Variants in GLIS3 observed in about 807,000 individuals in gnomAD.
GLIS3 encodes zinc finger protein GLIS3.
GLIS3 carries 53 observed loss-of-function variants against 78.6 expected under a neutral mutation model. The observed-to-expected ratio is 0.67, with a 90% confidence interval of 0.54 to 0.85. The LOEUF is 0.85. Ranked by LOEUF, GLIS3 falls within the 40% of genes least tolerant of loss-of-function variation. The probability of loss-of-function intolerance (pLI) is 0.00; values close to 1 mark genes in which losing one functional copy is unlikely to be tolerated. For synonymous variants in GLIS3, 684 were observed against 509.9 expected, an observed-to-expected ratio of 1.34 and a Z score of -4.60; for missense variants, 1,703 against 1,231.1, an observed-to-expected ratio of 1.38 and a Z score of -5.74.
At chr9:4,351,737 A>C (rs1817974329), upstream of GLIS3, among the ~76,000 whole-genome samples, 1 of 152,184 alleles carries the variant, frequency 6.6e-6, no homozygotes. Context: ...ACTCTCTGTC[A>C]CTTACTGATG....
intron 9 of GLIS3, among the ~76,000 whole-genome samples, chr9:3,850,595 C>A (rs757653024): frequency 1.2e-4 from 19 of 152,108 alleles, no homozygotes; most frequent in Non-Finnish European, 2.1e-4. Context: ...CTTAATGTTC[C>A]TACCTCTCCC....
the GLIS3 span, among the ~76,000 whole-genome samples, chr9:4,408,142 G>A: frequency 6.6e-6 from 1 of 152,120 alleles, no homozygotes; most frequent in South Asian, 2.1e-4. Flanking sequence ...GTGGAGAAAA[G>A]GGAACCCTCG....
intron 2 of GLIS3, among the ~76,000 whole-genome samples, chr9:4,191,321 T>C (rs1214284370): frequency 1.3e-5 from 2 of 152,222 alleles, no homozygotes; most frequent in African/African-American, 4.8e-5. Flanking sequence ...AATAACGGTG[T>C]ATTTTCAACT....
chr9:4,078,137 T>C (rs1267908536), intron 4 of GLIS3, among the ~76,000 whole-genome samples: 2 of 152,186 alleles, frequency 1.3e-5, no homozygotes, highest in Non-Finnish European at 2.9e-5. Flanking sequence ...GCCTAAGAAT[T>C]TGTAAAAGAA....
chr9:4,456,027 G>A, the GLIS3 span, among the ~76,000 whole-genome samples: 2 of 152,168 alleles, frequency 1.3e-5, no homozygotes, highest in East Asian at 1.9e-4. Flanking sequence ...AGAATGGCTC[G>A]AACCTGGGAG....
intron 4 of GLIS3, among the ~76,000 whole-genome samples, chr9:4,112,250 A>C (rs148049735): frequency 6.6e-6 from 1 of 152,188 alleles, no homozygotes; most frequent in Admixed American, 6.5e-5. Context: ...TGCCACTACC[A>C]ATCATTCTAA....
At chr9:4,364,710 TTATA>T in the GLIS3 span, among the ~76,000 whole-genome samples, 1 of 134,354 alleles carries the variant, frequency 7.4e-6, no homozygotes, top group East Asian at 2.2e-4. Flanking sequence ...TTATTACACT[TTATA>T]TATATATATA....
intron 4 of GLIS3, among the ~76,000 whole-genome samples, chr9:3,991,110 C>G (rs1037444016): frequency 3.9e-5 from 6 of 152,294 alleles, no homozygotes; most frequent in Non-Finnish European, 4.4e-5. Context: ...ACACCCAGCT[C>G]CTGCAACCAC....
the GLIS3 span, among the ~76,000 whole-genome samples, chr9:4,449,307 A>G: frequency 6.6e-6 from 1 of 152,180 alleles, no homozygotes; most frequent in Non-Finnish European, 1.5e-5. Flanking sequence ...AGGTAAAGAA[A>G]GTGGCCAGGG....
At chr9:4,257,904 T>G (rs1825134208) in intron 2 of GLIS3, among the ~76,000 whole-genome samples, 1 of 152,184 alleles carries the variant, frequency 6.6e-6, no homozygotes, top group East Asian at 1.9e-4. Context: ...TATATTAAAA[T>G]ATCGTGTTTT....
chr9:3,965,590 G>C (rs1198463294), intron 4 of GLIS3, among the ~76,000 whole-genome samples: 1 of 152,182 alleles, frequency 6.6e-6, no homozygotes, highest in Non-Finnish European at 1.5e-5. Flanking sequence ...AGTTGTAAAA[G>C]ATTTGTAGGA....
At chr9:4,484,512 G>C in the GLIS3 span, among the ~76,000 whole-genome samples, 4 of 138,660 alleles carry the variant, frequency 2.9e-5, no homozygotes, top group Middle Eastern at 8.1e-3. Context: ...TCTGCCTCTC[G>C]AGTTCAAGCA....
chr9:4,251,324 C>G (rs1247547145), intron 2 of GLIS3, among the ~76,000 whole-genome samples: 1 of 152,042 alleles, frequency 6.6e-6, no homozygotes, highest in Non-Finnish European at 1.5e-5. Flanking sequence ...GGATAGTTTA[C>G]TCTACTTGTT....
At chr9:3,849,575 C>T (rs1217408441) in intron 9 of GLIS3, among the ~76,000 whole-genome samples, 1 of 152,126 alleles carries the variant, frequency 6.6e-6, no homozygotes, top group Non-Finnish European at 1.5e-5. Context: ...CTCTGTGAGG[C>T]TCCTTCTCCA....
At chr9:4,004,895 T>C (rs1005173694) in intron 4 of GLIS3, among the ~76,000 whole-genome samples, 4 of 152,222 alleles carry the variant, frequency 2.6e-5, no homozygotes, top group African/African-American at 7.2e-5. Context: ...TTATATATTG[T>C]TTCAACAATG....
intron 4 of GLIS3, among the ~76,000 whole-genome samples, chr9:4,029,771 G>A (rs780430585): frequency 8.5e-5 from 13 of 152,110 alleles, no homozygotes; most frequent in Non-Finnish European, 1.9e-4. Context: ...CTATGTTGAT[G>A]CAAATGACTG....
the GLIS3 span, among the ~76,000 whole-genome samples, chr9:4,369,850 A>G: frequency 6.6e-6 from 1 of 152,198 alleles, no homozygotes; most frequent in Non-Finnish European, 1.5e-5. Context: ...GTTAAAAAGG[A>G]AGCATGCAAT....
At chr9:4,264,222 T>C (rs1160411226) in intron 2 of GLIS3, among the ~76,000 whole-genome samples, 1 of 152,190 alleles carries the variant, frequency 6.6e-6, no homozygotes, top group Non-Finnish European at 1.5e-5. Flanking sequence ...TCACTGATTC[T>C]TCTGTTTCTT....
chr9:4,387,883 G>A, the GLIS3 span, among the ~76,000 whole-genome samples: 1 of 152,170 alleles, frequency 6.6e-6, no homozygotes, highest in African/African-American at 2.4e-5. Context: ...ATTTGTTATA[G>A]AACCTTTCAT....
Sources: allele counts gnomAD v4.1 joint callset (sites outside exome capture counted in the v4.1 genomes callset), GRCh38; gene constraint gnomAD v4.1.1; transcripts MANE v1.5; gene names NCBI Gene and HGNC (gene_info 2026-07-23, HGNC 2026-07-21).